The following GRIP1 variants were observed in gnomAD, a reference collection of about 807,000 sequenced individuals.
GRIP1 encodes the protein glutamate receptor-interacting protein 1.
In GRIP1, 45 loss-of-function variants were observed where a neutral mutation model predicts 129.9. The ratio of observed to expected loss-of-function variants is 0.35; its 90% CI spans 0.27 to 0.44. GRIP1 has a LOEUF of 0.44. Among genes scored for constraint, GRIP1 ranks in the 20% least tolerant of loss-of-function variants. The pLI is 1.00. For synonymous variants in GRIP1, 530 were observed against 520.8 expected, an observed-to-expected ratio of 1.02 and a Z score of -0.24; for missense variants, 1,196 against 1,396.8, an observed-to-expected ratio of 0.86 and a Z score of 2.29.
At chr12:66,818,350 C>T (rs1405506278) in intron 1 of GRIP1, among the ~76,000 whole-genome samples, 1 of 152,116 alleles carries the variant, frequency 6.6e-6, no homozygotes. Flanking sequence ...TTCCAAAGTT[C>T]CAATTTTCAC....
chr12:66,847,609 A>G (rs1029793904), intron 1 of GRIP1, among the ~76,000 whole-genome samples: 1 of 152,174 alleles, frequency 6.6e-6, no homozygotes, highest in African/African-American at 2.4e-5. Context: ...AAAATGGCCG[A>G]TTTCATATGA....
At chr12:66,542,234 C>A (rs1379302696) in intron 2 of GRIP1, among the ~76,000 whole-genome samples, 1 of 152,086 alleles carries the variant, frequency 6.6e-6, no homozygotes, top group Non-Finnish European at 1.5e-5. Flanking sequence ...TTATTTTCTG[C>A]CATTCTCAGG....
chr12:66,496,924 G>A lies in GRIP1; in HGVS notation c.724+18695C>T, dbSNP rs1445182094. On this transcript the variant is annotated intron_variant, in intron 7 of 24. Transcript: ENST00000359742. ...GAGAAGGAACAAAAGAAAAAAGGAA[G>A]GAAAGAGAGGATGAATAAGAATACA... is the stretch of plus-strand genomic sequence containing the variant. 3.9e-5 allele frequency among the ~76,000 whole-genome samples: 6 copies of A among 152,082 alleles called. No homozygotes were observed. In the East Asian group the frequency reaches 1.2e-3, roughly 29 times the overall value.
chr12:66,805,791 A>G (rs1428971994), upstream of GRIP1, among the ~76,000 whole-genome samples: 1 of 152,212 alleles, frequency 6.6e-6, no homozygotes, highest in African/African-American at 2.4e-5. Context: ...CATCTAAAAT[A>G]TGTAGTTACT....
At chr12:66,536,360 C>T (rs1405102363) in intron 4 of GRIP1, among the ~76,000 whole-genome samples, 1 of 152,128 alleles carries the variant, frequency 6.6e-6, no homozygotes, top group African/African-American at 2.4e-5. Context: ...TAAGGTCCTC[C>T]CAGTGGCCTA....
intron 23 of GRIP1, among the ~76,000 whole-genome samples, chr12:66,357,604 G>A (rs1236664041): frequency 7.2e-5 from 11 of 152,032 alleles, no homozygotes; most frequent in African/African-American, 2.7e-4. Flanking sequence ...TTTCATTAGG[G>A]GTTGCAAAGC....
chr12:66,643,857 C>A (rs1592692871), intron 1 of GRIP1, among the ~76,000 whole-genome samples: 1 of 152,228 alleles, frequency 6.6e-6, no homozygotes, highest in Non-Finnish European at 1.5e-5. Flanking sequence ...AGCCACTATG[C>A]CTGGCCTGGT....
chr12:66,835,302 C>A (rs566039503), intron 1 of GRIP1, among the ~76,000 whole-genome samples: 3 of 152,148 alleles, frequency 2.0e-5, no homozygotes, highest in African/African-American at 4.8e-5. Flanking sequence ...ATACTCTTAC[C>A]ATTTGACATA....
upstream of GRIP1, among the ~76,000 whole-genome samples, chr12:66,805,381 T>A (rs1481060302): frequency 6.7e-6 from 1 of 149,920 alleles, no homozygotes; most frequent in East Asian, 2.0e-4. Context: ...TAATCATGAA[T>A]AATTTTTTTT....
intron 1 of GRIP1, among the ~76,000 whole-genome samples, chr12:67,026,022 T>C (rs542005762): frequency 6.6e-6 from 1 of 152,114 alleles, no homozygotes; most frequent in Admixed American, 6.5e-5. Context: ...AGCATGAATC[T>C]CTCTGCTCTA....
At chr12:66,538,595 T>A (rs139819036) in intron 4 of GRIP1, among the ~76,000 whole-genome samples, 1 of 152,066 alleles carries the variant, frequency 6.6e-6, no homozygotes, top group Non-Finnish European at 1.5e-5. Context: ...TTCCATTTTA[T>A]TAATGTTGTG....
At chr12:66,578,646 C>T (rs553480285) in intron 2 of GRIP1, among the ~76,000 whole-genome samples, 57 of 152,320 alleles carry the variant, frequency 3.7e-4, no homozygotes, top group Non-Finnish European at 6.0e-4. Flanking sequence ...CACGGAGTCT[C>T]GCTGATTGCT....
At chr12:66,762,937 C>T (rs1162974485) in intron 1 of GRIP1, among the ~76,000 whole-genome samples, 1 of 152,058 alleles carries the variant, frequency 6.6e-6, no homozygotes, top group Non-Finnish European at 1.5e-5. Flanking sequence ...GTATATGAGG[C>T]TGTTTGCAGG....
chr12:66,790,815 A>G (rs1270015149), intron 1 of GRIP1, among the ~76,000 whole-genome samples: 1 of 152,108 alleles, frequency 6.6e-6, no homozygotes, highest in Non-Finnish European at 1.5e-5. Flanking sequence ...TCTAAATTAC[A>G]AAACGAGGGA....
intron 1 of GRIP1, among the ~76,000 whole-genome samples, chr12:66,872,063 T>C (rs2040305449): frequency 6.6e-6 from 1 of 152,054 alleles, no homozygotes; most frequent in Non-Finnish European, 1.5e-5. Flanking sequence ...TTTGGGAAAT[T>C]TGCAGCCTTC....
intron 7 of GRIP1, among the ~76,000 whole-genome samples, chr12:66,485,754 GAT>G (rs1226611931): frequency 1.3e-5 from 2 of 151,904 alleles, no homozygotes; most frequent in Non-Finnish European, 2.9e-5. Flanking sequence ...GTAGAGTCAA[GAT>G]ATATTTTCTC....
At chr12:66,885,922 G>A (rs1044998333) in intron 1 of GRIP1, among the ~76,000 whole-genome samples, 2 of 152,158 alleles carry the variant, frequency 1.3e-5, no homozygotes, top group East Asian at 1.9e-4. Flanking sequence ...GCTATCATAT[G>A]TGACTCTAAG....
chr12:66,586,970 T>G (rs544887976), intron 2 of GRIP1, among the ~76,000 whole-genome samples: 1 of 152,280 alleles, frequency 6.6e-6, no homozygotes, highest in East Asian at 1.9e-4. Context: ...CTTCCTATAC[T>G]GCTCAGAATA....
rs762412852 is a variant in GRIP1, at chr12:66,515,683, C to T, written c.660G>A (p.Met220Ile). ...CTTGTCCACATTGTTTAAGAATACT[C>T]ATGGCTTCAGCATGCGTAGTTCCAA... Reference protein sequence around the residue: ...RLLGTTHAEAMSILKQCGQEA... With the variant: ...RLLGTTHAEAISILKQCGQEA... The change falls in exon 7 of 25, where the codon ATG (methionine) becomes ATA (isoleucine). Residue 220 changes from methionine (M) to isoleucine (I), a missense_variant. Transcript: ENST00000359742. 1 of 1,613,582 alleles carries T rather than the reference C, an allele frequency of 6.2e-7. No homozygotes were observed. The highest frequency in any genetic ancestry group is 1.1e-5 in the South Asian group (1 of 91,078).
Sources: gnomAD v4.1 joint callset for allele counts (sites outside exome capture counted in the v4.1 genomes callset) on GRCh38, gnomAD v4.1.1 for gene constraint, MANE v1.5 for transcripts, NCBI Gene and HGNC (gene_info 2026-07-23, HGNC 2026-07-21) for gene names.